The following NCOA2 variants were observed in gnomAD, a reference collection of about 807,000 sequenced individuals.
The protein encoded by NCOA2 is class E basic helix-loop-helix protein 75.
A neutral mutation model predicts 145.1 loss-of-function variants in NCOA2; 21 were observed. That is an observed-to-expected ratio of 0.14 (90% CI 0.10 to 0.21). The LOEUF (loss-of-function observed/expected upper bound fraction) is 0.21, where lower values mean the gene tolerates loss of function less well. Ranked by LOEUF, NCOA2 falls within the 10% of genes least tolerant of loss-of-function variation. The pLI, the probability that NCOA2 is intolerant of heterozygous loss-of-function variation, is 1.00. For missense variants in NCOA2, 1,472 were observed against 1,837.6 expected, an observed-to-expected ratio of 0.80 and a Z score of 3.64; for synonymous variants, 619 against 637.5, an observed-to-expected ratio of 0.97 and a Z score of 0.44.
At chr8:70,122,423 CT>C (rs768646156) in intron 21 of NCOA2, among the ~76,000 whole-genome samples, 315 of 143,040 alleles carry the variant, frequency 2.2e-3, no homozygotes, top group African/African-American at 2.7e-3. Context: ...CTAATTTAAA[CT>C]TTTTTTTTTT....
chr8:70,396,583 A>G (rs1252411709), intron 1 of NCOA2, among the ~76,000 whole-genome samples: 1 of 152,216 alleles, frequency 6.6e-6, no homozygotes, highest in Admixed American at 6.5e-5. Context: ...TACTTCACCC[A>G]TATAATTCTT....
At chr8:70,160,414 TA>T (rs1812804125) in intron 9 of NCOA2, among the ~76,000 whole-genome samples, 1 of 152,182 alleles carries the variant, frequency 6.6e-6, no homozygotes. Context: ...TAATTTCTCT[TA>T]AAAGAATTGA....
the NCOA2 span, among the ~76,000 whole-genome samples, chr8:70,436,128 A>T: frequency 1.3e-5 from 2 of 152,236 alleles, no homozygotes; most frequent in South Asian, 4.1e-4. Context: ...CCAAAACAAA[A>T]AACAAATAAT....
chr8:70,151,279 A>G (rs1811720739), intron 11 of NCOA2, among the ~76,000 whole-genome samples: 1 of 151,182 alleles, frequency 6.6e-6, no homozygotes, highest in Non-Finnish European at 1.5e-5. Flanking sequence ...AACAGTCTAG[A>G]CTCACACTTT....
At chr8:70,446,763 C>T in the NCOA2 span, among the ~76,000 whole-genome samples, 5 of 150,760 alleles carry the variant, frequency 3.3e-5, no homozygotes, top group African/African-American at 9.8e-5. Context: ...TTTTTTTTTC[C>T]AACAAGTTAT....
At chr8:70,313,141 G>C (rs1805268775) in intron 1 of NCOA2, among the ~76,000 whole-genome samples, 1 of 152,166 alleles carries the variant, frequency 6.6e-6, no homozygotes, top group African/African-American at 2.4e-5. Context: ...TAACATGGAA[G>C]TAACTATTAA....
At chr8:70,418,028 A>G in the NCOA2 span, among the ~76,000 whole-genome samples, 2 of 152,208 alleles carry the variant, frequency 1.3e-5, no homozygotes, top group Non-Finnish European at 2.9e-5. Context: ...CCTCTAGATT[A>G]GCAGCATATA....
chr8:70,221,116 C>T (rs186467612), intron 2 of NCOA2, among the ~76,000 whole-genome samples: 4 of 152,202 alleles, frequency 2.6e-5, no homozygotes, highest in East Asian at 3.9e-4. Flanking sequence ...TAGAGATTTC[C>T]GAGGTTCCTT....
At chr8:70,196,161 A>G (rs2133384758) in intron 4 of NCOA2, among the ~76,000 whole-genome samples, 1 of 152,254 alleles carries the variant, frequency 6.6e-6, no homozygotes, top group East Asian at 1.9e-4. Flanking sequence ...GCAGATCACG[A>G]GGTCAGGAGT....
chr8:70,139,014 C>G (rs1488491957), intron 14 of NCOA2, among the ~76,000 whole-genome samples: 1 of 152,238 alleles, frequency 6.6e-6, no homozygotes, highest in East Asian at 1.9e-4. Context: ...TGCACCATGT[C>G]GAGACTGCTG....
At chr8:70,324,212 A>C (rs1177307934) in intron 1 of NCOA2, among the ~76,000 whole-genome samples, 4 of 152,218 alleles carry the variant, frequency 2.6e-5, no homozygotes, top group South Asian at 2.1e-4. Context: ...AAGTATATGG[A>C]GACATCTTGT....
chr8:70,361,186 A>G (rs990789431), intron 1 of NCOA2, among the ~76,000 whole-genome samples: 18 of 152,302 alleles, frequency 1.2e-4, no homozygotes, highest in Middle Eastern at 6.8e-3. Flanking sequence ...CTGTCTCTAC[A>G]GAGCAAACAT....
rs1396079923 is a variant in NCOA2 at position 70,156,508 on chromosome 8, C to T, written c.1857G>A (p.Pro619=). ...QKETNDPNLP[P]AVSSERADGQ... The stretch of plus-strand genomic sequence containing the variant: ...CGTCAGCTCTCTCACTGCTCACGGC[C>T]GGGGGCAGGTTGGGGTCATTTGTTT... Residue 619 remains proline, a synonymous_variant, in exon 11 of 23, where the codon CCG becomes CCA. Transcript: ENST00000452400. The T allele has an allele frequency of 1.8e-5, 29 of 1,613,668 alleles. No homozygotes were observed. The highest frequency in any genetic ancestry group is 5.3e-5 in the African/African-American group (4 of 74,904).
At chr8:70,150,196 A>C (rs1264444023) in intron 11 of NCOA2, among the ~76,000 whole-genome samples, 1 of 152,204 alleles carries the variant, frequency 6.6e-6, no homozygotes, top group Non-Finnish European at 1.5e-5. Flanking sequence ...TAGTTTAGCC[A>C]CTCAATTGTA....
intron 3 of NCOA2, among the ~76,000 whole-genome samples, chr8:70,214,559 C>G (rs1053555494): frequency 4.6e-5 from 7 of 152,126 alleles, no homozygotes; most frequent in Non-Finnish European, 7.4e-5. Context: ...ATTTTATAGA[C>G]TTCTTCAGAA....
chr8:70,179,907 G>A (rs973534672), intron 4 of NCOA2, among the ~76,000 whole-genome samples: 5 of 152,000 alleles, frequency 3.3e-5, no homozygotes, highest in South Asian at 2.1e-4. Flanking sequence ...TTCCTGCTAC[G>A]CTTTTACCAT....
chr8:70,413,115 A>G, the NCOA2 span, among the ~76,000 whole-genome samples: 1 of 151,916 alleles, frequency 6.6e-6, no homozygotes, highest in Non-Finnish European at 1.5e-5. Context: ...AAAAAAAAAA[A>G]AAGAATAGAG....
chr8:70,260,744 G>A (rs745816111), intron 2 of NCOA2, among the ~76,000 whole-genome samples: 1 of 152,084 alleles, frequency 6.6e-6, no homozygotes, highest in African/African-American at 2.4e-5. Flanking sequence ...TTAAAAGCAG[G>A]AACAGTAACA....
chr8:70,268,954 T>C (rs1022059665), intron 2 of NCOA2, among the ~76,000 whole-genome samples: 7 of 152,028 alleles, frequency 4.6e-5, no homozygotes, highest in African/African-American at 1.7e-4. Context: ...AAGATAAATA[T>C]TTATAGATTT....
Sources: gnomAD v4.1 joint callset for allele counts (sites outside exome capture counted in the v4.1 genomes callset) on GRCh38, gnomAD v4.1.1 for gene constraint, MANE v1.5 for transcripts, NCBI Gene and HGNC (gene_info 2026-07-23, HGNC 2026-07-21) for gene names.